The following EFCAB6 variants were observed in gnomAD, a reference collection of about 807,000 sequenced individuals.
The protein encoded by EFCAB6 is EF-hand calcium-binding domain-containing protein 6.
EFCAB6 carries 156 observed loss-of-function variants against 169.8 expected under a neutral mutation model. The ratio of observed to expected loss-of-function variants is 0.92; its 90% CI spans 0.81 to 1.05. The LOEUF (loss-of-function observed/expected upper bound fraction) is 1.05. Among genes scored for constraint, EFCAB6 ranks in the 50% least tolerant of loss-of-function variants. EFCAB6 has a pLI of 0.00. For synonymous variants in EFCAB6, 698 were observed against 676.4 expected, an observed-to-expected ratio of 1.03 and a Z score of -0.50; for missense variants, 1,800 against 1,829.1, an observed-to-expected ratio of 0.98 and a Z score of 0.29.
At chr22:43,602,217 C>T (rs1373186462) in intron 22 of EFCAB6, among the ~76,000 whole-genome samples, 1 of 152,262 alleles carries the variant, frequency 6.6e-6, no homozygotes, top group African/African-American at 2.4e-5. Context: ...CAGACCTTTT[C>T]AGGTGTCTAT....
At chr22:43,700,355 T>A (rs1260117611) in intron 10 of EFCAB6, among the ~76,000 whole-genome samples, 2 of 152,214 alleles carry the variant, frequency 1.3e-5, no homozygotes, top group African/African-American at 4.8e-5. Context: ...ATGGTAAGAA[T>A]AGGCACTCTC....
intron 12 of EFCAB6, among the ~76,000 whole-genome samples, chr22:43,682,012 C>T (rs1425255386): frequency 6.6e-6 from 1 of 152,168 alleles, no homozygotes; most frequent in African/African-American, 2.4e-5. Context: ...TTCTGCATCC[C>T]TCTCTATAGC....
At chr22:43,622,370 G>A (rs1228960590) in intron 20 of EFCAB6, among the ~76,000 whole-genome samples, 1 of 152,166 alleles carries the variant, frequency 6.6e-6, no homozygotes, top group Non-Finnish European at 1.5e-5. Context: ...TTCGATACCA[G>A]CCTGGCCAAC....
intron 24 of EFCAB6, among the ~76,000 whole-genome samples, chr22:43,585,439 G>T (rs964225883): frequency 6.6e-6 from 1 of 152,090 alleles, no homozygotes; most frequent in Non-Finnish European, 1.5e-5. Context: ...AAAAAAGAAC[G>T]GGGAGAGGGT....
intron 2 of EFCAB6, among the ~76,000 whole-genome samples, chr22:43,788,412 T>C (rs1256897605): frequency 6.6e-6 from 1 of 151,918 alleles, no homozygotes; most frequent in African/African-American, 2.4e-5. Context: ...AATAGAAAAA[T>C]GGGCTAGGGA....
intron 10 of EFCAB6, among the ~76,000 whole-genome samples, chr22:43,694,860 C>T (rs554884587): frequency 1.3e-5 from 2 of 152,126 alleles, no homozygotes; most frequent in African/African-American, 4.8e-5. Context: ...TAATATCACA[C>T]TCAATGGTGT....
At chr22:43,631,980 G>A (rs1406667221) in intron 19 of EFCAB6, 125 bp downstream of exon 19, 17 of 1,379,202 alleles carry the variant, frequency 1.2e-5, no homozygotes, top group Non-Finnish European at 1.5e-5. Flanking sequence ...TCTGCAGAGG[G>A]AAATGCTCTG....
intron 10 of EFCAB6, 124 bp downstream of exon 10, chr22:43,711,351 T>C (rs1315511415): frequency 2.0e-6 from 2 of 1,020,206 alleles, no homozygotes; most frequent in Non-Finnish European, 2.7e-6. Context: ...TTTACTTCTG[T>C]ATACGTTTTA....
intron 10 of EFCAB6, among the ~76,000 whole-genome samples, chr22:43,692,924 C>A (rs1164174717): frequency 6.6e-6 from 1 of 152,046 alleles, no homozygotes; most frequent in Non-Finnish European, 1.5e-5. Context: ...ATGAAAAAGG[C>A]CTTGCCAAGG....
chr22:43,565,728 T>C (rs2049380154), intron 26 of EFCAB6, among the ~76,000 whole-genome samples: 1 of 152,006 alleles, frequency 6.6e-6, no homozygotes, highest in Non-Finnish European at 1.5e-5. Flanking sequence ...GAGACAATTA[T>C]ATGGTTTTTT....
intron 6 of EFCAB6, among the ~76,000 whole-genome samples, chr22:43,750,758 T>C (rs1230652862): frequency 1.3e-5 from 2 of 152,222 alleles, no homozygotes; most frequent in African/African-American, 2.4e-5. Flanking sequence ...TCTTTATCCC[T>C]TGAATATTAA....
At chr22:43,689,893 A>G (rs2058342841) in intron 10 of EFCAB6, among the ~76,000 whole-genome samples, 1 of 152,174 alleles carries the variant, frequency 6.6e-6, no homozygotes, top group South Asian at 2.1e-4. Flanking sequence ...GTCTCTTTCT[A>G]TGATCCAAGA....
Position 43,528,911 on chromosome 22 carries a change from T to C in EFCAB6, c.4448A>G (p.Asp1483Gly). Residue 1483 changes from aspartate to glycine, a missense_variant, in exon 32 of 32, where the codon GAT (aspartate) becomes GGT (glycine). Asp to Gly is a moderately conservative substitution (Grantham distance 94). Transcript: ENST00000262726. ...GGAGATTTTTGAAGACAGCGTCTTA[T>C]CGTAATACTCCAGAATATGGAAGAA... ...EEFFHILEYY[D>G]KTLSSKISYN... 1.9e-6 allele frequency: 3 copies of C among 1,611,604 alleles called. No homozygotes were observed. Among genetic ancestry groups the C allele is most frequent in the Non-Finnish European group, 2.5e-6 (3 of 1,178,002 alleles).
chr22:43,611,912 TACTACAGG>T (rs1410319891), intron 21 of EFCAB6, among the ~76,000 whole-genome samples: 2 of 152,190 alleles, frequency 1.3e-5, no homozygotes, highest in East Asian at 3.8e-4. Flanking sequence ...AATTAAAGTA[TACTACAGG>T]ACTACAGTAA....
chr22:43,695,620 G>A (rs1389565454), intron 10 of EFCAB6, among the ~76,000 whole-genome samples: 2 of 152,036 alleles, frequency 1.3e-5, no homozygotes, highest in African/African-American at 4.8e-5. Flanking sequence ...AGAAACCACA[G>A]TACTGATGCG....
chr22:43,782,402 C>A, intron 2 of EFCAB6, 77 bp from the exon 3 acceptor site: 1 of 1,334,402 alleles, frequency 7.5e-7, no homozygotes, highest in South Asian at 1.3e-5. Context: ...CTATCTATTC[C>A]TTTTCTGAAG....
chr22:43,529,110 C>T (rs1444362375), intron 31 of EFCAB6, 135 bp from the exon 32 acceptor site: 23 of 1,066,028 alleles, frequency 2.2e-5, no homozygotes, highest in African/African-American at 1.7e-4. Flanking sequence ...CCCATCTGTG[C>T]GCTCTCTCTA....
In EFCAB6 at chr22:43,626,583, G is replaced by A. The variant is rs146319951; in HGVS notation, c.2329C>T (p.Leu777Phe). ...AAGCGCTCAAACTCGTCGTCTTTGAGATTAAGCAGTAGATGCAGGAGCAGT... is the reference window on the plus strand; with the variant it reads ...AAGCGCTCAAACTCGTCGTCTTTGAAATTAAGCAGTAGATGCAGGAGCAGT... The part of the protein sequence containing the change: ...HRLLLHLLLN[L>F]KDDEFERFLG... Residue 777 changes from leucine (L) to phenylalanine (F), a missense_variant, in exon 20 of 32, where the codon CTC (leucine) becomes TTC (phenylalanine). Transcript: ENST00000262726. The A allele has an allele frequency of 6.2e-7, 1 of 1,614,110 alleles. No individual in the cohort carries two copies. The highest frequency in any genetic ancestry group is 1.7e-5 in the Admixed American group (1 of 60,004).
At chr22:43,657,110 G>A (rs1439364141) in intron 17 of EFCAB6, among the ~76,000 whole-genome samples, 1 of 148,188 alleles carries the variant, frequency 6.7e-6, no homozygotes, top group African/African-American at 2.4e-5. Flanking sequence ...TGCAACTTGG[G>A]GAAACCCTGT....
Sources: gnomAD v4.1 joint callset for allele counts (sites outside exome capture counted in the v4.1 genomes callset) on GRCh38, gnomAD v4.1.1 for gene constraint, MANE v1.5 for transcripts, NCBI Gene and HGNC (gene_info 2026-07-23, HGNC 2026-07-21) for gene names.